Variants in ROBO2 observed in about 807,000 individuals in gnomAD.
The protein encoded by ROBO2 is roundabout homolog 2.
In ROBO2, 53 loss-of-function variants were observed where a neutral mutation model predicts 160.8. The ratio of observed to expected loss-of-function variants is 0.33; its 90% CI spans 0.26 to 0.41. The LOEUF (loss-of-function observed/expected upper bound fraction) is 0.41. Ranked by LOEUF, ROBO2 falls within the 10% of genes least tolerant of loss-of-function variation. The pLI is 1.00. For missense variants in ROBO2, 1,577 were observed against 1,722.4 expected (o/e 0.92, Z 1.49); for synonymous variants, 664 against 611.7 (o/e 1.09, Z -1.26).
intron 2 of ROBO2, among the ~76,000 whole-genome samples, chr3:76,127,912 T>TG (rs2071058023): frequency 6.7e-6 from 1 of 149,682 alleles, no homozygotes; most frequent in Admixed American, 6.7e-5. Flanking sequence ...TTTTTTTTTT[T>TG]TGAGACGAAG....
intron 2 of ROBO2, among the ~76,000 whole-genome samples, chr3:77,380,928 C>T (rs1015930920): frequency 7.5e-6 from 1 of 133,672 alleles, no homozygotes; most frequent in Non-Finnish European, 1.7e-5. Context: ...GTGTTCCTTT[C>T]TCTTTCTCCC....
At chr3:76,210,451 C>T (rs1193380084) in intron 2 of ROBO2, among the ~76,000 whole-genome samples, 1 of 151,952 alleles carries the variant, frequency 6.6e-6, no homozygotes, top group Admixed American at 6.6e-5. Context: ...TTTTAAGAAA[C>T]TTTAGGATAT....
chr3:76,876,715 A>AATTTATATATATTTATATATTTATAT (rs1363474972), intron 2 of ROBO2, among the ~76,000 whole-genome samples: 2 of 152,092 alleles, frequency 1.3e-5, no homozygotes, highest in East Asian at 3.9e-4. Flanking sequence ...TAATTGTGAG[A>AATTTATATATATTTATATATTTATAT]ATTTATATAT....
At chr3:77,446,465 T>A (rs1402096450) in intron 2 of ROBO2, among the ~76,000 whole-genome samples, 2 of 152,136 alleles carry the variant, frequency 1.3e-5, no homozygotes, top group Non-Finnish European at 2.9e-5. Flanking sequence ...TGCACCCAAG[T>A]GCAGCTAACA....
At chr3:77,488,790 A>T (rs897542659) in intron 4 of ROBO2, among the ~76,000 whole-genome samples, 1 of 152,160 alleles carries the variant, frequency 6.6e-6, no homozygotes. Flanking sequence ...TGCAGATCCA[A>T]CGCATTTGAA....
In ROBO2 at chr3:76,856,986, G is replaced by T. The variant is rs535231571; in HGVS notation, c.110-241028G>T. 2.6e-5 allele frequency among the ~76,000 whole-genome samples: 4 copies of T among 152,126 alleles called. No homozygotes were observed. The East Asian group carries it at 7.7e-4, about 29-fold the overall frequency. On this transcript the variant is annotated intron_variant, in intron 2 of 26. Coordinates refer to the ROBO2 transcript ENST00000487694. ...AGGAGTTAAACCTAAACACGAATGC[G>T]TGCTTTTTTTTTCTTTTGAGACGGA... is the stretch of plus-strand genomic sequence containing the variant.
At chr3:76,622,949 C>T (rs770397567) in intron 2 of ROBO2, among the ~76,000 whole-genome samples, 3 of 152,142 alleles carry the variant, frequency 2.0e-5, no homozygotes, top group Non-Finnish European at 2.9e-5. Flanking sequence ...AGCCTTCCTC[C>T]GCTGTGTATT....
Position 76,754,802 on chromosome 3 carries a change from T to TAAG in ROBO2, c.110-343211_110-343209dup, listed in dbSNP as rs1424584749. On this transcript the variant is annotated intron_variant, in intron 2 of 26. Transcript: ENST00000487694. ...TACTTTGTCATTACACATAGGGATT[T>TAAG]AAGTATCAGCTTGTGGCACTATTGT... Among the ~76,000 whole-genome samples the TAAG allele has an allele frequency of 4.6e-5, 7 of 151,996 alleles. No individual in the cohort carries two copies. The East Asian group carries it at 1.4e-3, about 30-fold the overall frequency.
intron 2 of ROBO2, among the ~76,000 whole-genome samples, chr3:76,244,451 G>C (rs995169644): frequency 6.6e-6 from 1 of 152,088 alleles, no homozygotes; most frequent in African/African-American, 2.4e-5. Flanking sequence ...GGATTATATG[G>C]TAGAAACCAT....
At chr3:75,994,327 T>C (rs1481871626) in intron 2 of ROBO2, among the ~76,000 whole-genome samples, 1 of 152,160 alleles carries the variant, frequency 6.6e-6, no homozygotes, top group African/African-American at 2.4e-5. Context: ...AAAAAATTGA[T>C]ATGGTTTGGC....
intron 2 of ROBO2, among the ~76,000 whole-genome samples, chr3:76,851,664 A>G (rs951648183): frequency 2.1e-5 from 3 of 144,424 alleles, no homozygotes; most frequent in Non-Finnish European, 3.0e-5. Flanking sequence ...GAACCCGGGA[A>G]GCGGAGCTTG....
chr3:77,311,994 G>C (rs1174582836), intron 2 of ROBO2, among the ~76,000 whole-genome samples: 1 of 152,062 alleles, frequency 6.6e-6, no homozygotes, highest in African/African-American at 2.4e-5. Flanking sequence ...GCTGAGGCAG[G>C]AGAACTGCTT....
chr3:76,857,675 A>G (rs2070279737), intron 2 of ROBO2, among the ~76,000 whole-genome samples: 1 of 152,106 alleles, frequency 6.6e-6, no homozygotes, highest in Non-Finnish European at 1.5e-5. Context: ...TGTTTTCTCT[A>G]CTTTACACAC....
intron 2 of ROBO2, among the ~76,000 whole-genome samples, chr3:76,109,961 A>G (rs556575205): frequency 1.3e-5 from 2 of 151,996 alleles, no homozygotes; most frequent in Admixed American, 1.3e-4. Flanking sequence ...GATAGCCTCC[A>G]GTTCCATTCA....
intron 24 of ROBO2, chr3:77,642,756 C>T (rs766703989): frequency 4.4e-6 from 2 of 456,658 alleles, no homozygotes; most frequent in South Asian, 1.5e-5. Flanking sequence ...ACGTGGAAAA[C>T]TCAGCAGAGA....
At chr3:77,249,016 T>C (rs2090062506) in intron 2 of ROBO2, among the ~76,000 whole-genome samples, 1 of 152,102 alleles carries the variant, frequency 6.6e-6, no homozygotes, top group Non-Finnish European at 1.5e-5. Flanking sequence ...TAGCTGGGAC[T>C]AACTTCTGTG....
chr3:77,254,507 A>G (rs984724156), intron 2 of ROBO2, among the ~76,000 whole-genome samples: 3 of 151,956 alleles, frequency 2.0e-5, no homozygotes, highest in Non-Finnish European at 4.4e-5. Flanking sequence ...GAAACTTAAC[A>G]TCTGAAAACT....
chr3:77,353,871 T>C (rs111926789), intron 2 of ROBO2, among the ~76,000 whole-genome samples: 1,667 of 152,220 alleles, frequency 0.011, 17 homozygotes, highest in Middle Eastern at 0.017. Context: ...CAATGGAAAA[T>C]ATTGATGTAG....
intron 2 of ROBO2, among the ~76,000 whole-genome samples, chr3:76,714,751 C>T (rs1256822812): frequency 6.6e-6 from 1 of 152,082 alleles, no homozygotes; most frequent in African/African-American, 2.4e-5. Flanking sequence ...AATCTATTGC[C>T]AATAGCACTG....
Sources: allele counts gnomAD v4.1 joint callset (sites outside exome capture counted in the v4.1 genomes callset), GRCh38; gene constraint gnomAD v4.1.1; transcripts MANE v1.5; gene names NCBI Gene and HGNC (gene_info 2026-07-23, HGNC 2026-07-21).